Variants in TRPC5 observed in about 807,000 individuals in gnomAD.
The protein encoded by TRPC5 is transient receptor potential cation channel subfamily C member 5.
A neutral mutation model predicts 56.5 loss-of-function variants in TRPC5; 9 were observed. The ratio of observed to expected loss-of-function variants is 0.16; its 90% confidence interval spans 0.10 to 0.28. The LOEUF is 0.28. Ranked by LOEUF, TRPC5 falls within the 10% of genes least tolerant of loss-of-function variation. The probability of loss-of-function intolerance (pLI) is 1.00; values close to 1 mark genes in which losing one functional copy is unlikely to be tolerated. For missense variants in TRPC5, 469 were observed against 748.9 expected (o/e 0.63, Z 4.36); for synonymous variants, 282 against 278.5 (o/e 1.01, Z -0.13).
At chrX:111,840,654 G>T (rs1922705299) in intron 6 of TRPC5, among the ~76,000 whole-genome samples, 1 of 111,787 alleles carries the variant, frequency 8.9e-6, no homozygotes, top group East Asian at 2.8e-4. Flanking sequence ...GCACAGAGTG[G>T]TCACACAGGC....
At chrX:111,786,600 A>AT (rs1020210945) in intron 7 of TRPC5, among the ~76,000 whole-genome samples, 1 of 111,160 alleles carries the variant, frequency 9.0e-6, no homozygotes, top group African/African-American at 3.3e-5. Context: ...AAATGCCCCA[A>AT]TTAGAAGACA....
At chrX:111,799,656 C>T (rs187952255) in intron 7 of TRPC5, among the ~76,000 whole-genome samples, 1 of 111,490 alleles carries the variant, frequency 9.0e-6, no homozygotes, top group East Asian at 2.8e-4. Flanking sequence ...CCTTCAAAGC[C>T]CAAAACAGTA....
intron 2 of TRPC5, among the ~76,000 whole-genome samples, chrX:111,924,768 G>A (rs887224902): frequency 2.7e-5 from 3 of 112,559 alleles, no homozygotes; most frequent in Non-Finnish European, 3.8e-5. Context: ...GGCAGCTGAC[G>A]CTGGTCTCCA....
chrX:111,790,693 A>G (rs933341801), intron 7 of TRPC5, among the ~76,000 whole-genome samples: 1 of 110,888 alleles, frequency 9.0e-6, no homozygotes, highest in Non-Finnish European at 1.9e-5. Flanking sequence ...GCCACCTTCT[A>G]GGGACAGCCT....
intron 1 of TRPC5, among the ~76,000 whole-genome samples, chrX:112,067,235 CCCCAAT>C (rs1930606200): frequency 1.8e-5 from 2 of 112,456 alleles, no homozygotes; most frequent in Non-Finnish European, 1.9e-5. Flanking sequence ...TTTGCAGGGT[CCCCAAT>C]AGCCTCTAGC....
At chrX:112,026,606 AC>A in intron 1 of TRPC5, among the ~76,000 whole-genome samples, 1 of 111,869 alleles carries the variant, frequency 8.9e-6, no homozygotes, top group Non-Finnish European at 1.9e-5. Flanking sequence ...CTTCTATGGA[AC>A]CCTAAAAAAT....
chrX:111,787,942 G>C (rs1331571590), intron 7 of TRPC5, among the ~76,000 whole-genome samples: 1 of 111,658 alleles, frequency 9.0e-6, no homozygotes, highest in Non-Finnish European at 1.9e-5. Flanking sequence ...ATCAAAAAAA[G>C]TCCAGTACCA....
intron 3 of TRPC5, among the ~76,000 whole-genome samples, chrX:111,884,133 C>T: frequency 8.9e-6 from 1 of 112,582 alleles, no homozygotes; most frequent in Non-Finnish European, 1.9e-5. Flanking sequence ...CCAGGGCTTA[C>T]ATTTATTTAA....
intron 7 of TRPC5, among the ~76,000 whole-genome samples, chrX:111,795,508 GT>G (rs1921055412): frequency 9.0e-6 from 1 of 110,756 alleles, no homozygotes; most frequent in African/African-American, 3.3e-5. Context: ...TTGTTTGGTA[GT>G]TTTTGCTTTA....
At chrX:111,992,141 G>C (rs753308683) in intron 1 of TRPC5, among the ~76,000 whole-genome samples, 28 of 112,144 alleles carry the variant, frequency 2.5e-4, no homozygotes, top group African/African-American at 7.4e-4. Flanking sequence ...ACTTTCCCAA[G>C]TTACTACCTT....
chrX:112,057,806 A>C, intron 1 of TRPC5, among the ~76,000 whole-genome samples: 1 of 112,139 alleles, frequency 8.9e-6, no homozygotes, highest in South Asian at 3.7e-4. Flanking sequence ...TGAATCCTTA[A>C]AGGAGCTTAT....
chrX:111,946,217 G>A (rs900526891), intron 2 of TRPC5, among the ~76,000 whole-genome samples: 1 of 112,143 alleles, frequency 8.9e-6, no homozygotes, highest in Admixed American at 9.5e-5. Flanking sequence ...TGATAGCTAA[G>A]TATGGACAAA....
chrX:111,784,393 A>G (rs916102145), intron 7 of TRPC5, among the ~76,000 whole-genome samples: 4 of 112,459 alleles, frequency 3.6e-5, no homozygotes, highest in African/African-American at 1.3e-4. Flanking sequence ...TTAATATCAT[A>G]TATCTGATAA....
intron 1 of TRPC5, among the ~76,000 whole-genome samples, chrX:111,984,983 A>G (rs1381039339): frequency 8.9e-6 from 1 of 112,659 alleles, no homozygotes; most frequent in Admixed American, 9.4e-5. Context: ...ACACTGTCAT[A>G]TGAAGATCCA....
intron 3 of TRPC5, among the ~76,000 whole-genome samples, chrX:111,872,694 A>G (rs1923800152): frequency 1.8e-5 from 2 of 111,789 alleles, no homozygotes; most frequent in African/African-American, 6.5e-5. Context: ...TTACCTTCAG[A>G]GGACATGAAC....
chrX:111,975,693 G>A (rs1927904850), intron 1 of TRPC5, among the ~76,000 whole-genome samples: 1 of 110,838 alleles, frequency 9.0e-6, no homozygotes, highest in Non-Finnish European at 1.9e-5. Context: ...TCAGGAGATC[G>A]GGACCATCCT....
chrX:111,775,581 C>G lies in TRPC5; in HGVS notation c.*732G>C, dbSNP rs943910720. The G allele has an allele frequency of 3.6e-5, 4 of 110,995 alleles. No homozygotes were observed. The highest frequency in any genetic ancestry group is 1.3e-4 in the African/African-American group (4 of 29,981). The allele number at this position is 110,995 out of a possible 1,213,427, so 9.1% of individuals were successfully genotyped here. Reference sequence around the variant, plus strand: ...AATGTAGTAAGTTAACTGAAACACACAAACAGAAAAATAATTCGCCTAACT... The same window carrying G: ...AATGTAGTAAGTTAACTGAAACACAGAAACAGAAAAATAATTCGCCTAACT... On this transcript the variant is annotated 3_prime_UTR_variant, in exon 11 of 11. Coordinates refer to ENST00000262839, the MANE Select transcript of TRPC5 (RefSeq NM_012471.3).
chrX:111,959,681 A>G (rs1927323881), intron 1 of TRPC5, among the ~76,000 whole-genome samples: 1 of 111,542 alleles, frequency 9.0e-6, no homozygotes, highest in Non-Finnish European at 1.9e-5. Flanking sequence ...CAGCATCTGA[A>G]GCTTATCATT....
chrX:112,057,926 G>T (rs73550141), intron 1 of TRPC5, among the ~76,000 whole-genome samples: 16,036 of 111,062 alleles, frequency 0.14, 1,535 homozygotes, highest in African/African-American at 0.35. Context: ...TCATTTCAGG[G>T]GGCTAGTGGT....
Sources: allele counts gnomAD v4.1 joint callset (sites outside exome capture counted in the v4.1 genomes callset), GRCh38; gene constraint gnomAD v4.1.1; transcripts MANE v1.5; gene names NCBI Gene and HGNC (gene_info 2026-07-23, HGNC 2026-07-21).